AKAP13: variants seen among roughly 807,000 people sequenced by gnomAD.
AKAP13 encodes the protein A-kinase anchoring protein 13, also known as A-kinase anchor protein 13.
A neutral mutation model predicts 264.5 loss-of-function variants in AKAP13; 80 were observed. The ratio of observed to expected loss-of-function variants is 0.30; its 90% CI spans 0.25 to 0.36. The LOEUF is 0.36. Among genes scored for constraint, AKAP13 ranks in the 10% least tolerant of loss-of-function variants. The pLI, the probability that AKAP13 is intolerant of heterozygous loss-of-function variation, is 1.00. For synonymous variants in AKAP13, 1,380 were observed against 1,250.2 expected (o/e 1.10, Z -2.19); for missense variants, 3,712 against 3,435.2 (o/e 1.08, Z -2.01).
At chr15:85,498,511 C>G (rs1040693673) in intron 2 of AKAP13, among the ~76,000 whole-genome samples, 2 of 149,018 alleles carry the variant, frequency 1.3e-5, no homozygotes, top group Admixed American at 6.7e-5. Context: ...AGCGGTAATT[C>G]AAACTAAAAA....
intron 2 of AKAP13, among the ~76,000 whole-genome samples, chr15:85,492,231 C>G (rs1479183520): frequency 1.3e-5 from 2 of 152,110 alleles, no homozygotes; most frequent in Non-Finnish European, 2.9e-5. Context: ...TGAAATAACT[C>G]CAAGGCCAAG....
At chr15:85,584,969 T>A (rs1197669631) in intron 7 of AKAP13, among the ~76,000 whole-genome samples, 1 of 152,200 alleles carries the variant, frequency 6.6e-6, no homozygotes, top group Non-Finnish European at 1.5e-5. Context: ...CATTTATCAT[T>A]TCCTTCCTGT....
intron 13 of AKAP13, among the ~76,000 whole-genome samples, chr15:85,667,966 TA>T: frequency 6.6e-6 from 1 of 152,340 alleles, no homozygotes; most frequent in Non-Finnish European, 1.5e-5. Context: ...TCTTTCTAGA[TA>T]AAGTTGTTGT....
intron 1 of AKAP13, among the ~76,000 whole-genome samples, chr15:85,414,177 G>A (rs2072123010): frequency 6.6e-6 from 1 of 151,936 alleles, no homozygotes; most frequent in African/African-American, 2.4e-5. Flanking sequence ...CAGCACTATT[G>A]TGGCCTGTGT....
chr15:85,581,207 T>C lies in AKAP13; in HGVS notation c.3139T>C (p.Leu1047=), dbSNP rs1879261554. 6.2e-7 allele frequency: 1 copy of C among 1,614,142 alleles called. No homozygotes were observed. Among genetic ancestry groups the C allele is most frequent in the Non-Finnish European group, 8.5e-7 (1 of 1,180,002 alleles). Residue 1047 remains leucine, a synonymous_variant, in exon 7 of 37, where the codon TTG becomes CTG. Coordinates refer to ENST00000394518, the MANE Select transcript of AKAP13 (RefSeq NM_007200.5). ...CAGCTCCGCTCTGTTGCCATGTCTG[T>C]TGCCAGATGGGTCTGATGGGTCCGA... ...HNSSALLPCL[L]PDGSDGSDAL...
intron 8 of AKAP13, among the ~76,000 whole-genome samples, chr15:85,631,516 A>AGT (rs1567165464): frequency 5.0e-5 from 2 of 40,078 alleles, no homozygotes; most frequent in East Asian, 7.4e-4. Flanking sequence ...ACACACACAC[A>AGT]CACACACACA....
At chr15:85,700,131 T>C (rs927707819) in intron 17 of AKAP13, among the ~76,000 whole-genome samples, 9 of 152,222 alleles carry the variant, frequency 5.9e-5, no homozygotes, top group Non-Finnish European at 1.2e-4. Context: ...AGGTTACAAA[T>C]AGTTGAAATT....
chr15:85,560,128 TAAAAAAAAAAAAAAA>T (rs55715424), intron 5 of AKAP13, among the ~76,000 whole-genome samples: 53 of 54,582 alleles, frequency 9.7e-4, no homozygotes, highest in African/African-American at 2.8e-3. Context: ...TGTCTCCACC[TAAAAAAAAAAAAAAA>T]AAAAAAAAAA....
At chr15:85,513,528 T>C (rs1368659231) in intron 2 of AKAP13, among the ~76,000 whole-genome samples, 1 of 152,238 alleles carries the variant, frequency 6.6e-6, no homozygotes. Flanking sequence ...TGTTAACATC[T>C]TACGCCATTT....
At chr15:85,632,978 G>T (rs528907433) in intron 8 of AKAP13, among the ~76,000 whole-genome samples, 3 of 152,152 alleles carry the variant, frequency 2.0e-5, no homozygotes, top group African/African-American at 4.8e-5. Flanking sequence ...CGATTCTCCT[G>T]TCTCAGCCTC....
intron 16 of AKAP13, among the ~76,000 whole-genome samples, chr15:85,685,731 C>G (rs2084874632): frequency 1.3e-5 from 2 of 152,156 alleles, no homozygotes; most frequent in Admixed American, 1.3e-4. Context: ...ACCTCAAACA[C>G]TCTTCTCGCT....
chr15:85,689,939 A>C (rs2085183017), intron 16 of AKAP13: 1 of 152,158 alleles, frequency 6.6e-6, no homozygotes, highest in African/African-American at 2.4e-5. Context: ...TTACGATTTC[A>C]CTAATGGCAG....
chr15:85,454,055 C>T (rs2074191631), intron 1 of AKAP13, among the ~76,000 whole-genome samples: 1 of 152,206 alleles, frequency 6.6e-6, no homozygotes, highest in African/African-American at 2.4e-5. Context: ...AGTGCCACTA[C>T]TGGCAGCTGG....
At chr15:85,531,067 G>T (rs2077227068) in intron 3 of AKAP13, among the ~76,000 whole-genome samples, 1 of 152,034 alleles carries the variant, frequency 6.6e-6, no homozygotes, top group South Asian at 2.1e-4. Flanking sequence ...TGCCATGTTC[G>T]CCAGGCTGGT....
chr15:85,562,668 TTTTC>T (rs1473625528), intron 5 of AKAP13, among the ~76,000 whole-genome samples: 4 of 132,644 alleles, frequency 3.0e-5, no homozygotes, highest in Admixed American at 8.9e-5. Context: ...CCCACTTTCC[TTTTC>T]TTTCTTTTCT....
intron 1 of AKAP13, among the ~76,000 whole-genome samples, chr15:85,434,542 C>CA (rs1391943675): frequency 6.6e-6 from 1 of 152,056 alleles, no homozygotes; most frequent in African/African-American, 2.4e-5. Flanking sequence ...AAAAAGACAG[C>CA]AGTAACCTCT....
intron 35 of AKAP13, 52 bp downstream of exon 35, chr15:85,741,547 C>T: frequency 7.9e-6 from 12 of 1,512,660 alleles, no homozygotes; most frequent in Non-Finnish European, 1.1e-5. Context: ...AATTAAGACC[C>T]CCTGTGTATT....
intron 1 of AKAP13, among the ~76,000 whole-genome samples, chr15:85,393,022 TACTC>T (rs2070942504): frequency 6.6e-6 from 1 of 152,194 alleles, no homozygotes; most frequent in South Asian, 2.1e-4. Context: ...TCTAAAAACA[TACTC>T]AGTGATTTGG....
intron 8 of AKAP13, among the ~76,000 whole-genome samples, chr15:85,595,968 G>C (rs930991441): frequency 6.6e-6 from 1 of 152,246 alleles, no homozygotes; most frequent in Non-Finnish European, 1.5e-5. Context: ...CATTGAAAGT[G>C]TGTGTTCTCC....
Sources: allele counts gnomAD v4.1 joint callset (sites outside exome capture counted in the v4.1 genomes callset), GRCh38; gene constraint gnomAD v4.1.1; transcripts MANE v1.5; gene names NCBI Gene and HGNC (gene_info 2026-07-23, HGNC 2026-07-21).